Variants in MAD1L1 observed in about 807,000 individuals in gnomAD.
MAD1L1 encodes mitotic spindle assembly checkpoint protein MAD1.
Under a neutral mutation model 96.9 loss-of-function variants are expected in MAD1L1, and 95 were observed. The observed-to-expected ratio is 0.98, with a 90% confidence interval of 0.83 to 1.16. The LOEUF (loss-of-function observed/expected upper bound fraction) is 1.16. Ranked by LOEUF, MAD1L1 falls within the 50% of genes most tolerant of loss-of-function variation. MAD1L1 has a pLI of 0.00. For missense variants in MAD1L1, 1,007 were observed against 954.4 expected, an observed-to-expected ratio of 1.06 and a Z score of -0.73; for synonymous variants, 473 against 396.6, an observed-to-expected ratio of 1.19 and a Z score of -2.29.
chr7:1,933,487 G>C (rs966761743), intron 17 of MAD1L1, among the ~76,000 whole-genome samples: 2 of 152,258 alleles, frequency 1.3e-5, no homozygotes, highest in Admixed American at 1.3e-4. Context: ...TCCTGACTTG[G>C]GTCTGTCCAG....
chr7:1,951,643 T>C (rs561508480), intron 16 of MAD1L1, among the ~76,000 whole-genome samples: 24 of 152,320 alleles, frequency 1.6e-4, no homozygotes, highest in African/African-American at 5.3e-4. Context: ...CTCCTGTCTA[T>C]GGATCTGATG....
chr7:2,064,146 C>A (rs1175668747), intron 12 of MAD1L1, among the ~76,000 whole-genome samples: 1 of 152,164 alleles, frequency 6.6e-6, no homozygotes, highest in African/African-American at 2.4e-5. Flanking sequence ...AGCCCAGCAA[C>A]CCCCTGGCGA....
chr7:1,848,415 G>A (rs11766944), intron 18 of MAD1L1: 25,747 of 153,326 alleles, frequency 0.17, 2,618 homozygotes, highest in South Asian at 0.28. Context: ...TGGTGGAAAT[G>A]CCGGGCCCTC....
At chr7:2,030,097 T>G (rs1562621174) in intron 12 of MAD1L1, among the ~76,000 whole-genome samples, 1 of 152,140 alleles carries the variant, frequency 6.6e-6, no homozygotes. Context: ...CTGCTCCCCG[T>G]GTAATCCTAG....
At chr7:1,931,080 G>A (rs895579870) in intron 17 of MAD1L1, among the ~76,000 whole-genome samples, 12 of 145,782 alleles carry the variant, frequency 8.2e-5, no homozygotes, top group South Asian at 4.3e-4. Context: ...CCCCACCCAC[G>A]GTCACAGGAG....
intron 13 of MAD1L1, among the ~76,000 whole-genome samples, chr7:2,005,976 C>G (rs73672006): frequency 2.2e-4 from 33 of 152,034 alleles, no homozygotes; most frequent in South Asian, 1.5e-3. Flanking sequence ...GCAGAGGGGC[C>G]GGAATTCCAG....
At chr7:2,169,197 C>T (rs997353977) in intron 10 of MAD1L1, among the ~76,000 whole-genome samples, 1 of 152,132 alleles carries the variant, frequency 6.6e-6, no homozygotes, top group African/African-American at 2.4e-5. Flanking sequence ...TACACATTCG[C>T]CTGCAGGACT....
intron 18 of MAD1L1, among the ~76,000 whole-genome samples, chr7:1,825,317 G>A (rs1413773935): frequency 3.3e-5 from 5 of 152,158 alleles, no homozygotes; most frequent in African/African-American, 1.2e-4. Flanking sequence ...TGCTGAGGCC[G>A]GTGCTGCCCA....
intron 18 of MAD1L1, among the ~76,000 whole-genome samples, chr7:1,875,376 C>T (rs1481904364): frequency 2.6e-5 from 4 of 152,216 alleles, no homozygotes; most frequent in African/African-American, 9.6e-5. Flanking sequence ...CAGTCGCCCT[C>T]CTCGACCCCA....
intron 17 of MAD1L1, among the ~76,000 whole-genome samples, chr7:1,914,306 G>A (rs948757072): frequency 3.3e-5 from 5 of 152,240 alleles, no homozygotes; most frequent in Admixed American, 6.5e-5. Context: ...CTCTGCAGAT[G>A]TGTCCGGGGC....
chr7:1,869,109 C>T lies in MAD1L1; in HGVS notation c.1998+29091G>A, dbSNP rs546411718. Among the ~76,000 whole-genome samples the T allele has an allele frequency of 3.9e-5, 6 of 152,216 alleles. No individual in the cohort carries two copies. In the South Asian group the frequency reaches 6.2e-4, roughly 16 times the overall value. Reference sequence around the variant, plus strand: ...CGGTGAGGCCCGGGACGGGAACATCCGAGCAACGATCCATGCCCAGGCACC... The same window carrying T: ...CGGTGAGGCCCGGGACGGGAACATCTGAGCAACGATCCATGCCCAGGCACC... On this transcript the variant is annotated intron_variant, in intron 18 of 18. Transcript: ENST00000265854.
At chr7:2,113,448 C>T (rs1380402903) in intron 11 of MAD1L1, among the ~76,000 whole-genome samples, 5 of 152,078 alleles carry the variant, frequency 3.3e-5, no homozygotes, top group Admixed American at 2.6e-4. Context: ...GGCGTGGTGG[C>T]AGGCGCCTGT....
At chr7:2,025,447 C>A (rs767376846) in intron 12 of MAD1L1, among the ~76,000 whole-genome samples, 3 of 152,172 alleles carry the variant, frequency 2.0e-5, no homozygotes, top group Admixed American at 6.5e-5. Context: ...ATTTTATACC[C>A]AGCAAAACTG....
chr7:1,950,792 G>A (rs1779458728), intron 16 of MAD1L1, among the ~76,000 whole-genome samples: 1 of 152,228 alleles, frequency 6.6e-6, no homozygotes, highest in Non-Finnish European at 1.5e-5. Flanking sequence ...GGGCAAGTGG[G>A]GGATGAGCGG....
intron 10 of MAD1L1, among the ~76,000 whole-genome samples, chr7:2,176,592 T>A (rs1019438624): frequency 2.0e-4 from 31 of 151,870 alleles, no homozygotes; most frequent in Non-Finnish European, 4.3e-4. Context: ...AAAAAAAAAA[T>A]TTACTGGCAC....
At chr7:1,885,623 C>A (rs1040363887) in intron 18 of MAD1L1, among the ~76,000 whole-genome samples, 1 of 152,200 alleles carries the variant, frequency 6.6e-6, no homozygotes, top group African/African-American at 2.4e-5. Context: ...AAATGTCCGG[C>A]CTTCAACCCC....
At chr7:2,228,101 A>G (rs1308700690) in intron 3 of MAD1L1, among the ~76,000 whole-genome samples, 1 of 151,788 alleles carries the variant, frequency 6.6e-6, no homozygotes, top group Non-Finnish European at 1.5e-5. Context: ...TGCCGCCATC[A>G]CTCCGCTCAC....
At chr7:2,000,918 C>G (rs1167152260) in intron 14 of MAD1L1, among the ~76,000 whole-genome samples, 1 of 152,200 alleles carries the variant, frequency 6.6e-6, no homozygotes. Context: ...GCAGACAGCC[C>G]TCGCCCATTC....
chr7:2,092,652 T>C (rs1786276825), intron 11 of MAD1L1, among the ~76,000 whole-genome samples: 1 of 152,228 alleles, frequency 6.6e-6, no homozygotes, highest in African/African-American at 2.4e-5. Flanking sequence ...TGTTTTCCTA[T>C]TATTGAGTTT....
Sources: gnomAD v4.1 joint callset for allele counts (sites outside exome capture counted in the v4.1 genomes callset) on GRCh38, gnomAD v4.1.1 for gene constraint, MANE v1.5 for transcripts, NCBI Gene and HGNC (gene_info 2026-07-23, HGNC 2026-07-21) for gene names.